Variants in NPC1 observed in about 807,000 individuals in gnomAD.
The protein encoded by NPC1 is NPC intracellular cholesterol transporter 1, also known as Niemann-Pick C1 protein.
Under a neutral mutation model 140.4 loss-of-function variants are expected in NPC1, and 85 were observed. That is an observed-to-expected ratio of 0.61 (90% CI 0.51 to 0.72). The LOEUF is 0.72. NPC1 is among the 30% of genes least tolerant of loss of function. NPC1 has a pLI of 0.00. For missense variants in NPC1, 1,504 were observed against 1,623.8 expected, an observed-to-expected ratio of 0.93 and a Z score of 1.27; for synonymous variants, 656 against 624.8, an observed-to-expected ratio of 1.05 and a Z score of -0.74.
chr18:23,547,893 CG>C lies in NPC1; in HGVS notation c.1757+112del, dbSNP rs2058811453. On this transcript the variant is annotated intron_variant, in intron 11 of 24. Transcript: ENST00000269228. ...CATTAGTACCAAGTGAACAAAACTACGTAACTCAGATCTGCCATTGGTTAAT... is the reference window on the plus strand; with the variant it reads ...CATTAGTACCAAGTGAACAAAACTACTAACTCAGATCTGCCATTGGTTAAT... 7.6e-6 allele frequency: 6 copies of C among 789,198 alleles called. No individual in the cohort carries two copies. The Admixed American group carries it at 1.0e-4, about 13-fold the overall frequency. 48.9% of individuals were successfully genotyped at this position (789,198 alleles called of 1,614,324 possible).
chr18:23,535,376 C>T, intron 22 of NPC1, 93 bp downstream of exon 22: 2 of 923,122 alleles, frequency 2.2e-6, no homozygotes, highest in Non-Finnish European at 3.4e-6. Context: ...TGGTATCTTA[C>T]TCCATCTTTA....
intron 5 of NPC1, among the ~76,000 whole-genome samples, chr18:23,560,969 T>C (rs1403983380): frequency 1.3e-5 from 2 of 152,242 alleles, no homozygotes; most frequent in East Asian, 3.8e-4. Flanking sequence ...GTTACCTGAA[T>C]GTGTTTATCT....
chr18:23,532,503 G>A lies in NPC1; in HGVS notation c.3755-219C>T, dbSNP rs12956221. 1.5e-3 allele frequency among the ~76,000 whole-genome samples: 228 copies of A among 152,226 alleles called. 1 individual carries two copies. Among genetic ancestry groups the A allele is most frequent in the African/African-American group, 4.9e-3 (202 of 41,528 alleles). On this transcript the variant is annotated intron_variant, in intron 24 of 24. Transcript: ENST00000269228. ...GGCTGCAGTGCAGTGGTATGAACAC[G>A]ACTCACTGCATCCTAAGCCCACCCT...
intron 4 of NPC1, among the ~76,000 whole-genome samples, chr18:23,565,862 T>G (rs1302026963): frequency 6.6e-6 from 1 of 151,994 alleles, no homozygotes; most frequent in Non-Finnish European, 1.5e-5. Context: ...TGATTATTAT[T>G]GTCTCTCCCC....
At position 23,531,869 on chromosome 18, in the gene NPC1, G is replaced by A. The variant is rs1008760338; in HGVS notation, c.*333C>T. The A allele has an allele frequency of 1.5e-5, 22 of 1,447,880 alleles. No individual in the cohort carries two copies. The Admixed American group carries it at 3.6e-4, about 24-fold the overall frequency. 89.7% of individuals were successfully genotyped at this position (1,447,880 alleles called of 1,614,324 possible). On this transcript the variant is annotated 3_prime_UTR_variant, in exon 25 of 25. Coordinates refer to ENST00000269228, the MANE Select transcript of NPC1 (RefSeq NM_000271.5). ...TGGCTTACTCCTAAAAGGAGAGACA[G>A]ACAGTGCATTGATTGGCCTTTACAG...
At chr18:23,550,670 C>T (rs1788763) in intron 10 of NPC1, among the ~76,000 whole-genome samples, 113,255 of 151,224 alleles carry the variant, frequency 0.75, 43,555 homozygotes, top group East Asian at 0.93. Flanking sequence ...ATATTTTTAG[C>T]AGAGATAGGG....
intron 21 of NPC1, among the ~76,000 whole-genome samples, 163 bp downstream of exon 21, chr18:23,536,510 T>C (rs989174792): frequency 7.2e-5 from 11 of 152,192 alleles, no homozygotes; most frequent in African/African-American, 2.4e-4. Context: ...CTGAACTCCT[T>C]TGCCCAGCAC....
Position 23,532,247 on chromosome 18 carries a change from T to C in NPC1, c.3792A>G (p.Glu1264=), listed in dbSNP as rs1210213899. The C allele has an allele frequency of 6.2e-7, 1 of 1,614,198 alleles. No individual in the cohort carries two copies. ...SVNKAKSCAT[E]ERYKGTERER... ...CGCGCTCTGTTCCTTTGTATCGCTC[T>C]TCAGTGGCACAACTTTTGGCTTTAT... Residue 1264 remains glutamate, a synonymous_variant, in exon 25 of 25, where the codon GAA becomes GAG. Transcript: ENST00000269228.
chr18:23,522,405 A>ATG (rs1290323101), exon 2 of NPC1: 1 of 152,232 alleles, frequency 6.6e-6, no homozygotes, highest in Non-Finnish European at 1.5e-5. Flanking sequence ...TGTGGGCCAC[A>ATG]TGTGGCCCAG....
At chr18:23,526,956 TAGAAA>T (rs1421536960), downstream of NPC1, among the ~76,000 whole-genome samples, 5 of 151,982 alleles carry the variant, frequency 3.3e-5, no homozygotes, top group Non-Finnish European at 7.4e-5. Context: ...GAGATACTGG[TAGAAA>T]AGAACAATAA....
At chr18:23,572,387 T>C (rs1253631414) in intron 2 of NPC1, among the ~76,000 whole-genome samples, 2 of 152,258 alleles carry the variant, frequency 1.3e-5, no homozygotes, top group Admixed American at 6.5e-5. Flanking sequence ...TTTCTAATTT[T>C]CTTTTTATTT....
At chr18:23,562,322 T>C (rs1422574648) in intron 4 of NPC1, among the ~76,000 whole-genome samples, 1 of 151,314 alleles carries the variant, frequency 6.6e-6, no homozygotes, top group Non-Finnish European at 1.5e-5. Context: ...AAAAAACCCC[T>C]AATACTGTTA....
chr18:23,571,680 A>G (rs2059206254), intron 3 of NPC1, among the ~76,000 whole-genome samples: 1 of 151,512 alleles, frequency 6.6e-6, no homozygotes, highest in Non-Finnish European at 1.5e-5. Flanking sequence ...AAAGAAAAAC[A>G]TAAATAAAAT....
At chr18:23,512,096 C>T (rs896759577) in intron 3 of NPC1, among the ~76,000 whole-genome samples, 6 of 150,578 alleles carry the variant, frequency 4.0e-5, no homozygotes, top group Non-Finnish European at 7.4e-5. Context: ...TCTCGGCTCA[C>T]GGCAACCTCC....
chr18:23,562,389 T>G (rs1411611979), intron 4 of NPC1, among the ~76,000 whole-genome samples: 7 of 152,018 alleles, frequency 4.6e-5, no homozygotes, highest in African/African-American at 1.7e-4. Context: ...AAGGATAGTA[T>G]CAGTGTATTA....
chr18:23,548,481 CG>C (rs1567958778), intron 10 of NPC1, among the ~76,000 whole-genome samples: 1 of 152,002 alleles, frequency 6.6e-6, no homozygotes, highest in Admixed American at 6.6e-5. Flanking sequence ...TGACCATCTG[CG>C]AATCTTTCCA....
rs1476758898 is a variant in NPC1, at chr18:23,548,079, C to T, written c.1684G>A (p.Val562Met). 1 of 1,611,552 alleles carries T rather than the reference C, an allele frequency of 6.2e-7. No individual in the cohort carries two copies. The highest frequency in any genetic ancestry group is 8.5e-7 in the Non-Finnish European group (1 of 1,177,722). ...DQNYNNATAL[V>M]ITFPVNNYYN... ...TAATTATTGACAGGGAAGGTAATCA[C>T]AAGGGCAGTGGCGTTATTGTAGTTT... The change falls in exon 11 of 25, where the codon GTG (valine) becomes ATG (methionine). Residue 562 changes from valine to methionine, a missense_variant. Coordinates refer to ENST00000269228, the MANE Select transcript of NPC1 (RefSeq NM_000271.5).
At chr18:23,585,851 T>C (rs1235916932) in intron 1 of NPC1, among the ~76,000 whole-genome samples, 1 of 152,204 alleles carries the variant, frequency 6.6e-6, no homozygotes, top group African/African-American at 2.4e-5. Context: ...TTGAGGAAGT[T>C]TGTGTCTCTT....
At chr18:23,546,574 T>C (rs2058793278) in intron 11 of NPC1, among the ~76,000 whole-genome samples, 1 of 152,214 alleles carries the variant, frequency 6.6e-6, no homozygotes, top group Non-Finnish European at 1.5e-5. Flanking sequence ...CAAGTGTTCA[T>C]AGCAGCATTA....
Sources: allele counts gnomAD v4.1 joint callset (sites outside exome capture counted in the v4.1 genomes callset), GRCh38; gene constraint gnomAD v4.1.1; transcripts MANE v1.5; gene names NCBI Gene and HGNC (gene_info 2026-07-23, HGNC 2026-07-21).